WNT9A: variants seen among roughly 807,000 people sequenced by gnomAD.
WNT9A encodes the protein protein Wnt-9a.
WNT9A carries 8 observed loss-of-function variants against 31.4 expected under a neutral mutation model. The observed-to-expected ratio is 0.26, with a 90% CI of 0.15 to 0.46. WNT9A has a LOEUF of 0.46. WNT9A is among the 20% of genes least tolerant of loss of function. The pLI is 0.99. For missense variants in WNT9A, 457 were observed against 522.9 expected, an observed-to-expected ratio of 0.87 and a Z score of 1.23; for synonymous variants, 236 against 220.1, an observed-to-expected ratio of 1.07 and a Z score of -0.64.
chr1:227,925,564 G>T lies in WNT9A; in HGVS notation c.96-45C>A, dbSNP rs565406956. On this transcript the variant is annotated intron_variant, in intron 1 of 3. Coordinates refer to ENST00000272164, the MANE Select transcript of WNT9A (RefSeq NM_003395.4). The surrounding 1 kb of genome is among the most constrained non-coding windows in gnomAD (Gnocchi z 6.0). ...CATGAGCCCGGCCCCAGGAAGCCCT[G>T]CTGGAGCCTGGCCAGGTGTCTCGGT... 64 of 1,462,372 alleles carry T rather than the reference G, an allele frequency of 4.4e-5. No homozygotes were observed. The African/African-American group carries it at 7.5e-4, about 17-fold the overall frequency. The allele number at this position is 1,462,372 out of a possible 1,614,324, so 90.6% of individuals were successfully genotyped here. A position where few individuals can be genotyped will look rare whatever the true frequency, so the allele number is the denominator to read the frequency against.
rs150564192 is a variant in WNT9A, at chr1:227,924,259, C to T, written c.494G>A (p.Trp165Ter). 1.9e-6 allele frequency: 3 copies of T among 1,613,778 alleles called. No individual in the cohort carries two copies. The highest frequency in any genetic ancestry group is 2.5e-6 in the Non-Finnish European group (3 of 1,180,004). ...CTTAAGGTTGTCTCCGCAGCCCCCC[C>T]ACTGCCAGGCCTCACGGTTCTCCAG... ...PDLENREAWQ[W>*]GGCGDNLKYS... Residue 165 changes from tryptophan (W) to a stop codon, truncating the protein, a stop_gained, in exon 3 of 4, where the codon TGG becomes TAG. Transcript: ENST00000272164. LOFTEE classifies it high-confidence loss of function.
chr1:227,935,206 C>G (rs1214590099), intron 1 of WNT9A, among the ~76,000 whole-genome samples: 1 of 150,624 alleles, frequency 6.6e-6, no homozygotes, highest in Non-Finnish European at 1.5e-5. Context: ...GGTTGCCAAG[C>G]AGACCCCAGA....
In WNT9A at chr1:227,928,213, G is replaced by C. The variant is rs1321090232; in HGVS notation, c.96-2694C>G. On this transcript the variant is annotated intron_variant, in intron 1 of 3. Transcript: ENST00000272164. This position sits in a 1 kb window ranked among gnomAD's most constrained non-coding sequence, Gnocchi z 4.5. ...AAGCATGCAGACAGCAGGGCAGCAA[G>C]TGTGGCTACACCTGGAGACTTGCCG... 6.6e-6 allele frequency among the ~76,000 whole-genome samples: 1 copy of C among 152,130 alleles called. No homozygotes were observed. The highest frequency in any genetic ancestry group is 2.4e-5 in the African/African-American group (1 of 41,426).
chr1:227,921,884 C>T lies in WNT9A; in HGVS notation c.732G>A (p.Lys244=). The change falls in exon 4 of 4, where the codon AAG becomes AAA. Residue 244 remains lysine, a synonymous_variant. Transcript: ENST00000272164. The stretch of plus-strand genomic sequence containing the variant: ...CCTTGAGTGCCGTCTCATACTTGTG[C>T]TTCAGATGCTTGCCCACCTCATGGA... The part of the protein sequence containing the change: ...APFHEVGKHL[K]HKYETALKVG... 1.2e-6 allele frequency: 2 copies of T among 1,613,208 alleles called. No homozygotes were observed. Among genetic ancestry groups the T allele is most frequent in the Non-Finnish European group, 1.7e-6 (2 of 1,179,956 alleles).
At chr1:227,944,550 A>T (rs145110760) in intron 1 of WNT9A, among the ~76,000 whole-genome samples, 22 of 152,338 alleles carry the variant, frequency 1.4e-4, no homozygotes, top group African/African-American at 4.6e-4. Context: ...AGCCTCAGCC[A>T]GCCCTGAGGC....
In WNT9A at chr1:227,924,922, G is replaced by A. The variant is rs572285568; in HGVS notation, c.352+341C>T. Among the ~76,000 whole-genome samples, 54 of 152,306 alleles carry A rather than the reference G, an allele frequency of 3.5e-4. 1 individual carries two copies. The South Asian group carries it at 0.01, about 29-fold the overall frequency. Reference sequence around the variant, plus strand: ...GCCCTCATGAGGGTGGGAGGGGCAGGAAGAGAGTCTGCACAGGCATAGCCC... The same window carrying A: ...GCCCTCATGAGGGTGGGAGGGGCAGAAAGAGAGTCTGCACAGGCATAGCCC... On this transcript the variant is annotated intron_variant, in intron 2 of 3. Coordinates refer to ENST00000272164, the MANE Select transcript of WNT9A (RefSeq NM_003395.4).
rs778829228 is a variant in WNT9A at position 227,926,489 on chromosome 1, C to A, written c.96-970G>T. Among the ~76,000 whole-genome samples the A allele has an allele frequency of 1.1e-4, 16 of 152,098 alleles. No homozygotes were observed. Among genetic ancestry groups the A allele is most frequent in the Non-Finnish European group, 2.2e-4 (15 of 68,018 alleles). ...CCTCAACCCCAAACCCTGACCCCGA[C>A]CCCATGTCACCTGTCTATCCTGGGA... is the stretch of plus-strand genomic sequence containing the variant. On this transcript the variant is annotated intron_variant, in intron 1 of 3. Coordinates refer to ENST00000272164, the MANE Select transcript of WNT9A (RefSeq NM_003395.4). The surrounding 1 kb of genome is among the most constrained non-coding windows in gnomAD (Gnocchi z 5.0).
At position 227,925,313 on chromosome 1, in the gene WNT9A, C is replaced by T. The variant is rs777566843; in HGVS notation, c.302G>A (p.Arg101His). ...LECQFQFRFE[R>H]WNCTLEGRYR... The stretch of plus-strand genomic sequence containing the variant: ...GCGGCCCTCCAGCGTGCAGTTCCAG[C>T]GCTCAAAGCGGAACTGGAACTGGCA... Residue 101 changes from arginine (R) to histidine (H), a missense_variant, in exon 2 of 4, where the codon CGC (arginine) becomes CAC (histidine). Transcript: ENST00000272164. This position sits in a 1 kb window ranked among gnomAD's most constrained non-coding sequence, Gnocchi z 6.0. The T allele has an allele frequency of 1.9e-6, 3 of 1,598,118 alleles. No homozygotes were observed. The highest frequency in any genetic ancestry group is 2.3e-5 in the South Asian group (2 of 88,376).
chr1:227,939,009 G>T (rs1435289680), intron 1 of WNT9A, among the ~76,000 whole-genome samples: 1 of 152,192 alleles, frequency 6.6e-6, no homozygotes, highest in Non-Finnish European at 1.5e-5. Flanking sequence ...GAAGGGCCCG[G>T]ATGACGACGG....
intron 1 of WNT9A, among the ~76,000 whole-genome samples, chr1:227,932,230 A>G (rs778466492): frequency 4.6e-5 from 7 of 152,236 alleles, no homozygotes; most frequent in Admixed American, 3.3e-4. Context: ...TGTCATTTCA[A>G]CAATGTGCAC....
In WNT9A at chr1:227,921,998, C is replaced by T; in HGVS notation, c.618G>A (p.Val206=). The change falls in exon 4 of 4, where the codon GTG becomes GTA. Residue 206 remains valine (V), a splice_region_variant and synonymous_variant. Coordinates refer to ENST00000272164, the MANE Select transcript of WNT9A (RefSeq NM_003395.4). ...AGGTGGTCTCCACCCCAGCCTTGAT[C>T]ACCTGGCAGAAGGGTGCGGGAGGGA... ...DFHNNLVGVK[V]IKAGVETTCK... 1 of 1,604,100 alleles carries T rather than the reference C, an allele frequency of 6.2e-7. No homozygotes were observed. Among genetic ancestry groups the T allele is most frequent in the Non-Finnish European group, 8.5e-7 (1 of 1,174,276 alleles).
rs911861597 is a variant in WNT9A, at chr1:227,919,022, A to G, written c.*2496T>C. 3.9e-5 allele frequency: 6 copies of G among 152,234 alleles called. No homozygotes were observed. Among genetic ancestry groups the G allele is most frequent in the Non-Finnish European group, 7.3e-5 (5 of 68,038 alleles). The allele number at this position is 152,234 out of a possible 1,614,324, so 9.4% of individuals were successfully genotyped here. A position where few individuals can be genotyped will look rare whatever the true frequency, so the allele number is the denominator to read the frequency against. On this transcript the variant is annotated 3_prime_UTR_variant, in exon 4 of 4. Transcript: ENST00000272164. ...GAGCGGCCTCTTCATCCAGCAAGAC[A>G]TTCGAATATGTATTTGTATAGAAAC...
intron 1 of WNT9A, among the ~76,000 whole-genome samples, chr1:227,927,776 C>T (rs913219839): frequency 6.6e-6 from 1 of 152,122 alleles, no homozygotes; most frequent in Non-Finnish European, 1.5e-5. Context: ...CCCGCCAGGA[C>T]CCACGAGCCC....
intron 1 of WNT9A, among the ~76,000 whole-genome samples, chr1:227,940,985 T>C (rs1468084119): frequency 6.6e-6 from 1 of 152,204 alleles, no homozygotes; most frequent in Non-Finnish European, 1.5e-5. Flanking sequence ...ATATGACCCC[T>C]GAAGGAAAAC....
chr1:227,939,230 G>A (rs1327426612), intron 1 of WNT9A, among the ~76,000 whole-genome samples: 5 of 152,232 alleles, frequency 3.3e-5, no homozygotes, highest in East Asian at 3.8e-4. Context: ...CAGGAACCAC[G>A]GGGGAGGTGG....
chr1:227,938,510 T>G (rs1485912229), intron 1 of WNT9A, among the ~76,000 whole-genome samples: 1 of 151,230 alleles, frequency 6.6e-6, no homozygotes, highest in Non-Finnish European at 1.5e-5. Flanking sequence ...GATACACCCA[T>G]ACACTCATGT....
rs947446108 is a variant in WNT9A at position 227,942,139 on chromosome 1, C to T, written c.95+5654G>A. On this transcript the variant is annotated intron_variant, in intron 1 of 3. Transcript: ENST00000272164. The surrounding 1 kb of genome is among the most constrained non-coding windows in gnomAD (Gnocchi z 5.7). ...CCAGGGCAGGCACTGGGGCCCTCTG[C>T]AGCCTGCAGCAGGGCGGGAGCAAGA... Among the ~76,000 whole-genome samples, 1 of 152,192 alleles carries T rather than the reference C, an allele frequency of 6.6e-6. No homozygotes were observed. The highest frequency in any genetic ancestry group is 2.4e-5 in the African/African-American group (1 of 41,458).
intron 1 of WNT9A, among the ~76,000 whole-genome samples, chr1:227,932,181 C>T (rs1358135824): frequency 6.6e-6 from 1 of 152,230 alleles, no homozygotes; most frequent in African/African-American, 2.4e-5. Flanking sequence ...CCTGCCACTG[C>T]TTTATCAACT....
In WNT9A at chr1:227,932,594, A is replaced by C. The variant is rs1285059209; in HGVS notation, c.96-7075T>G. On this transcript the variant is annotated intron_variant, in intron 1 of 3. Coordinates refer to ENST00000272164, the MANE Select transcript of WNT9A (RefSeq NM_003395.4). ...TCAATAGACTTTTCCTAGATCCATC[A>C]GAGGAATCACTGTCTATGGCAGCTG... Among the ~76,000 whole-genome samples the C allele has an allele frequency of 4.6e-5, 7 of 152,262 alleles. No individual in the cohort carries two copies. The South Asian group carries it at 1.4e-3, about 31-fold the overall frequency.
Sources: gnomAD v4.1 joint callset for allele counts (sites outside exome capture counted in the v4.1 genomes callset) on GRCh38, gnomAD v4.1.1 for gene constraint, Gnocchi (gnomAD v3.1) non-coding constraint, MANE v1.5 for transcripts, NCBI Gene and HGNC (gene_info 2026-07-23, HGNC 2026-07-21) for gene names.